Variants in AGPAT3 observed in about 807,000 individuals in gnomAD.
AGPAT3 encodes the protein 1-acyl-sn-glycerol-3-phosphate acyltransferase gamma.
Under a neutral mutation model 47.3 loss-of-function variants are expected in AGPAT3, and 5 were observed. That is an observed-to-expected ratio of 0.11 (90% CI 0.06 to 0.22). The LOEUF is 0.22. Among genes scored for constraint, AGPAT3 ranks in the 10% least tolerant of loss-of-function variants. The pLI is 1.00. For missense variants in AGPAT3, 315 were observed against 493.0 expected (o/e 0.64, Z 3.42); for synonymous variants, 212 against 208.3 (o/e 1.02, Z -0.15).
rs2146578574 is a variant in AGPAT3, at chr21:43,957,639, T to A, written c.-48-1995T>A. Among the ~76,000 whole-genome samples the A allele has an allele frequency of 2.3e-5, 3 of 132,602 alleles. No individual in the cohort carries two copies. In the Middle Eastern group the frequency reaches 0.014, roughly 625 times the overall value. 87.0% of individuals were successfully genotyped at this position (132,602 alleles called of 152,430 possible). A position where few individuals can be genotyped will look rare whatever the true frequency, so the allele number is the denominator to read the frequency against. ...TCGGGTTTCCCCCTGCACACAGGGATCTCGGGTTTCCCCCTCCACACGGGG... is the reference window on the plus strand; with the variant it reads ...TCGGGTTTCCCCCTGCACACAGGGAACTCGGGTTTCCCCCTCCACACGGGG... On this transcript the variant is annotated intron_variant, in intron 2 of 9. Coordinates refer to ENST00000291572, the MANE Select transcript of AGPAT3 (RefSeq NM_020132.5).
intron 2 of AGPAT3, among the ~76,000 whole-genome samples, chr21:43,944,514 G>C (rs1266069682): frequency 6.6e-6 from 1 of 152,252 alleles, no homozygotes; most frequent in African/African-American, 2.4e-5. Flanking sequence ...GGCAGATCCT[G>C]GAGGCCAGCA....
Position 43,987,033 on chromosome 21 carries a change from C to T in AGPAT3, c.*4641C>T, listed in dbSNP as rs185225918. The stretch of plus-strand genomic sequence containing the variant: ...GTACACAGGCAGGTGTGCGCCTGCC[C>T]GAGCGCGAGTAGCTCTTGTGTAGTG... On this transcript the variant is annotated 3_prime_UTR_variant, in exon 10 of 10. Transcript: ENST00000291572. Among the ~76,000 whole-genome samples, 120 of 152,298 alleles carry T rather than the reference C, an allele frequency of 7.9e-4. No individual in the cohort carries two copies. Among genetic ancestry groups the T allele is most frequent in the Admixed American group, 4.1e-3 (62 of 15,288 alleles).
At chr21:43,883,090 G>A (rs149206488) in intron 1 of AGPAT3, among the ~76,000 whole-genome samples, 1 of 152,366 alleles carries the variant, frequency 6.6e-6, no homozygotes, top group East Asian at 1.9e-4. Context: ...GCTGGAGACT[G>A]TGAAGCTGTG....
At position 43,880,595 on chromosome 21, in the gene AGPAT3, T is replaced by C. The variant is rs1430299675; in HGVS notation, c.-112+15250T>C. On this transcript the variant is annotated intron_variant, in intron 1 of 9. Coordinates refer to ENST00000291572, the MANE Select transcript of AGPAT3 (RefSeq NM_020132.5). The surrounding 1 kb of genome is among the most constrained non-coding windows in gnomAD (Gnocchi z 4.5). ...AGTGGTATTGCCACTGAGTGTGGGA[T>C]GGGTCACAGCTATGTCTGTGGCCTT... 1.3e-5 allele frequency among the ~76,000 whole-genome samples: 2 copies of C among 152,232 alleles called. No individual in the cohort carries two copies. The highest frequency in any genetic ancestry group is 4.8e-5 in the African/African-American group (2 of 41,462).
intron 2 of AGPAT3, among the ~76,000 whole-genome samples, chr21:43,914,735 T>C (rs2086692880): frequency 6.6e-6 from 1 of 151,860 alleles, no homozygotes; most frequent in Admixed American, 6.6e-5. Flanking sequence ...GGGATGGGGG[T>C]CTTTCCATGT....
chr21:43,948,573 G>C (rs1181092513), intron 2 of AGPAT3, among the ~76,000 whole-genome samples: 1 of 152,196 alleles, frequency 6.6e-6, no homozygotes, highest in African/African-American at 2.4e-5. Flanking sequence ...GTAGTGGCAG[G>C]TAGGTAACTC....
intron 3 of AGPAT3, 73 bp from the exon 4 acceptor site, chr21:43,967,873 C>T (rs2089206744): frequency 1.3e-6 from 2 of 1,489,940 alleles, no homozygotes; most frequent in South Asian, 2.5e-5. Context: ...CTGTAGGTGT[C>T]TCCTGTGGGC....
chr21:43,896,130 C>G lies in AGPAT3; in HGVS notation c.-111-7827C>G, dbSNP rs148304599. On this transcript the variant is annotated intron_variant, in intron 1 of 9. Coordinates refer to ENST00000291572, the MANE Select transcript of AGPAT3 (RefSeq NM_020132.5). ...TGCTGGCCAGGCTGGTCTTGAACTC[C>G]TGAGCTCAAGTGATCCACCTGCCTT... 3.5e-3 allele frequency among the ~76,000 whole-genome samples: 526 copies of G among 152,340 alleles called. 2 individuals are homozygous for G. The highest frequency in any genetic ancestry group is 6.1e-3 in the Non-Finnish European group (415 of 68,032).
intron 2 of AGPAT3, among the ~76,000 whole-genome samples, chr21:43,917,268 G>A (rs952079117): frequency 1.3e-5 from 2 of 151,164 alleles, no homozygotes; most frequent in Non-Finnish European, 2.9e-5. Flanking sequence ...GCCTGTTGCC[G>A]GCGCGGTCCC....
chr21:43,946,253 C>G (rs2087882838), intron 2 of AGPAT3, among the ~76,000 whole-genome samples: 1 of 152,202 alleles, frequency 6.6e-6, no homozygotes, highest in Admixed American at 6.5e-5. Context: ...ACATCCCCAG[C>G]AGAAACCAGA....
At chr21:43,958,921 GCA>G (rs2088646997) in intron 2 of AGPAT3, among the ~76,000 whole-genome samples, 2 of 129,124 alleles carry the variant, frequency 1.5e-5, no homozygotes, top group African/African-American at 3.0e-5. Context: ...TGTGTGTGTG[GCA>G]TGTGTGTGGC....
At chr21:43,962,253 C>T (rs977610860) in intron 3 of AGPAT3, among the ~76,000 whole-genome samples, 6 of 152,098 alleles carry the variant, frequency 3.9e-5, no homozygotes, top group Non-Finnish European at 5.9e-5. Flanking sequence ...CTGCCCACCT[C>T]GGCCTCCGAA....
At chr21:43,969,686 G>A (rs1297425303) in intron 5 of AGPAT3, among the ~76,000 whole-genome samples, 2 of 151,842 alleles carry the variant, frequency 1.3e-5, no homozygotes, top group African/African-American at 4.9e-5. Context: ...TCGTTTTGTT[G>A]TGTGTGTTTT....
Position 43,954,208 on chromosome 21 carries a change from G to T in AGPAT3, c.-48-5426G>T, listed in dbSNP as rs2088331611. On this transcript the variant is annotated intron_variant, in intron 2 of 9. Coordinates refer to ENST00000291572, the MANE Select transcript of AGPAT3 (RefSeq NM_020132.5). This position sits in a 1 kb window ranked among gnomAD's most constrained non-coding sequence, Gnocchi z 4.0. ...GCGGGGACCGGTGTGGCCAAGCAGG[G>T]CACCTTCCTCACCGTCACCCTTCTG... Among the ~76,000 whole-genome samples, 1 of 152,196 alleles carries T rather than the reference G, an allele frequency of 6.6e-6. No homozygotes were observed. Among genetic ancestry groups the T allele is most frequent in the Non-Finnish European group, 1.5e-5 (1 of 68,028 alleles).
chr21:43,878,422 A>G (rs1012813527), intron 1 of AGPAT3, among the ~76,000 whole-genome samples: 1 of 152,174 alleles, frequency 6.6e-6, no homozygotes, highest in East Asian at 1.9e-4. Context: ...TGCCCCCTCG[A>G]GGGAGGGCTG....
intron 2 of AGPAT3, among the ~76,000 whole-genome samples, chr21:43,914,164 G>A (rs1232203390): frequency 1.3e-5 from 2 of 152,086 alleles, no homozygotes; most frequent in Non-Finnish European, 2.9e-5. Flanking sequence ...AAGGCTATGC[G>A]CTCATGAAGA....
chr21:43,881,107 G>A (rs958296265), intron 1 of AGPAT3, among the ~76,000 whole-genome samples: 1 of 152,158 alleles, frequency 6.6e-6, no homozygotes, highest in African/African-American at 2.4e-5. Flanking sequence ...TTTCCAGAAA[G>A]GGATCAGTTT....
At chr21:43,900,832 T>C (rs62228707) in intron 1 of AGPAT3, among the ~76,000 whole-genome samples, 16,102 of 152,104 alleles carry the variant, frequency 0.11, 1,638 homozygotes, top group African/African-American at 0.27. Context: ...GAGCGAGATC[T>C]GAAAAGATCA....
intron 1 of AGPAT3, 70 bp downstream of exon 1, chr21:43,865,415 G>T (rs949594140): frequency 9.6e-5 from 14 of 146,574 alleles, no homozygotes; most frequent in African/African-American, 3.2e-4. Context: ...GCCGCCCGAG[G>T]TCGCCCTCCC....
Sources: gnomAD v4.1 joint callset for allele counts (sites outside exome capture counted in the v4.1 genomes callset) on GRCh38, gnomAD v4.1.1 for gene constraint, Gnocchi (gnomAD v3.1) non-coding constraint, MANE v1.5 for transcripts, NCBI Gene and HGNC (gene_info 2026-07-23, HGNC 2026-07-21) for gene names.